Variants in GABBR2 observed in about 807,000 individuals in gnomAD.
The protein encoded by GABBR2 is gamma-aminobutyric acid type B receptor subunit 2.
A neutral mutation model predicts 105.6 loss-of-function variants in GABBR2; 23 were observed. The observed-to-expected ratio is 0.22, with a 90% CI of 0.16 to 0.31. The LOEUF (loss-of-function observed/expected upper bound fraction) is 0.31, where lower values mean the gene tolerates loss of function less well. GABBR2 is among the 10% of genes least tolerant of loss of function. GABBR2 has a pLI of 1.00. For synonymous variants in GABBR2, 478 were observed against 499.7 expected, an observed-to-expected ratio of 0.96 and a Z score of 0.58; for missense variants, 734 against 1,245.5, an observed-to-expected ratio of 0.59 and a Z score of 6.18.
chr9:98,514,853 T>C (rs561880975), intron 3 of GABBR2, among the ~76,000 whole-genome samples: 1 of 152,262 alleles, frequency 6.6e-6, no homozygotes, highest in East Asian at 1.9e-4. Context: ...CCTGCTCTTG[T>C]CTCTTGAAGA....
At chr9:98,377,103 C>A (rs1831888385) in intron 11 of GABBR2, among the ~76,000 whole-genome samples, 1 of 151,400 alleles carries the variant, frequency 6.6e-6, no homozygotes, top group South Asian at 2.1e-4. Flanking sequence ...GCTCAGGCCA[C>A]AGAACAATGC....
intron 1 of GABBR2, among the ~76,000 whole-genome samples, chr9:98,635,754 A>G (rs1369743602): frequency 6.6e-6 from 1 of 152,186 alleles, no homozygotes; most frequent in Non-Finnish European, 1.5e-5. Context: ...TGGCTGGAGT[A>G]TTTGCAAATC....
At chr9:98,467,575 A>T (rs1443360517) in intron 6 of GABBR2, among the ~76,000 whole-genome samples, 6 of 152,166 alleles carry the variant, frequency 3.9e-5, no homozygotes, top group Admixed American at 1.3e-4. Context: ...CTAAAACTCC[A>T]AGTTCTTTGT....
intron 3 of GABBR2, among the ~76,000 whole-genome samples, chr9:98,513,279 G>T (rs916539586): frequency 1.3e-5 from 2 of 152,126 alleles, no homozygotes; most frequent in Non-Finnish European, 2.9e-5. Flanking sequence ...AGACTTAAAT[G>T]TTAGACCTAA....
chr9:98,533,940 C>A (rs1828119696), intron 3 of GABBR2, among the ~76,000 whole-genome samples: 1 of 150,836 alleles, frequency 6.6e-6, no homozygotes, highest in African/African-American at 2.5e-5. Flanking sequence ...CTCAGAGCAG[C>A]AGGAGAGGAT....
At chr9:98,632,242 C>G (rs538211450) in intron 1 of GABBR2, among the ~76,000 whole-genome samples, 56 of 152,302 alleles carry the variant, frequency 3.7e-4, no homozygotes, top group African/African-American at 1.3e-3. Context: ...AGGCAAGCTC[C>G]TTAACCTCTC....
chr9:98,339,223 G>A (rs142573112), intron 13 of GABBR2, among the ~76,000 whole-genome samples: 1 of 151,022 alleles, frequency 6.6e-6, no homozygotes, highest in Admixed American at 6.6e-5. Context: ...TTTATGAATA[G>A]GCTAAAAACC....
At chr9:98,527,888 T>C (rs41361046) in intron 3 of GABBR2, among the ~76,000 whole-genome samples, 4,392 of 152,162 alleles carry the variant, frequency 0.029, 218 homozygotes, top group African/African-American at 0.1. Context: ...AGCCCTGAGG[T>C]ACCCATTCCA....
At chr9:98,447,182 C>T (rs1826147517) in intron 7 of GABBR2, among the ~76,000 whole-genome samples, 1 of 138,768 alleles carries the variant, frequency 7.2e-6, no homozygotes, top group South Asian at 2.7e-4. Context: ...CTGCCTCAGC[C>T]TCCCAAGTAG....
At position 98,454,069 on chromosome 9, in the gene GABBR2, T is replaced by G; in HGVS notation, c.1148A>C (p.Gln383Pro). Reference protein sequence around the residue: ...METLHASSRHQRIQDFNYTDH... With the variant: ...METLHASSRHPRIQDFNYTDH... ...CGTGTAGTTGAAGTCCTGGATCCGC[T>G]GGTGCCGGCTGCTGGCATGCAGTGT... is the stretch of plus-strand genomic sequence containing the variant. The change falls in exon 7 of 19, where the codon CAG becomes CCG. Residue 383 changes from glutamine (Q) to proline (P), a missense_variant. Gln to Pro is a moderately conservative substitution (Grantham distance 76). Around this residue, in one of 7 missense-constraint regions of GABBR2, gnomAD observed 370 missense variants for 648.9 expected, o/e 0.57. Coordinates refer to ENST00000259455, the MANE Select transcript of GABBR2 (RefSeq NM_005458.8). This position sits in a 1 kb window ranked among gnomAD's most constrained non-coding sequence, Gnocchi z 4.6. 6.2e-7 allele frequency: 1 copy of G among 1,614,220 alleles called. No individual in the cohort carries two copies. Among genetic ancestry groups the G allele is most frequent in the Non-Finnish European group, 8.5e-7 (1 of 1,180,032 alleles).
In GABBR2 at chr9:98,565,917, C is replaced by T. The variant is rs531826885; in HGVS notation, c.459+12018G>A. Among the ~76,000 whole-genome samples, 9 of 152,336 alleles carry T rather than the reference C, an allele frequency of 5.9e-5. No homozygotes were observed. The South Asian group carries it at 1.4e-3, about 25-fold the overall frequency. On this transcript the variant is annotated intron_variant, in intron 2 of 18. Coordinates refer to ENST00000259455, the MANE Select transcript of GABBR2 (RefSeq NM_005458.8). The stretch of plus-strand genomic sequence containing the variant: ...ACCACACACCTTACCAAACACAACA[C>T]TGGACGGGGCAGTCAGTGCCATGCC...
intron 13 of GABBR2, among the ~76,000 whole-genome samples, chr9:98,328,327 C>G (rs1669634292): frequency 6.6e-6 from 1 of 152,104 alleles, no homozygotes; most frequent in Admixed American, 6.5e-5. Flanking sequence ...AATACAGCCT[C>G]TATTTGGGAG....
intron 11 of GABBR2, among the ~76,000 whole-genome samples, chr9:98,372,306 A>G (rs1366851726): frequency 1.3e-5 from 2 of 151,954 alleles, no homozygotes; most frequent in Non-Finnish European, 2.9e-5. Flanking sequence ...CACCATTTAG[A>G]CTGGACACCC....
Position 98,290,430 on chromosome 9 carries a change from G to A in GABBR2, c.*154C>T, listed in dbSNP as rs371010168. ...CAGGTGCCAAGTCTCCCCCTGCCCC[G>A]TCCTGTCCACCTGAGTGCCATCCGA... On this transcript the variant is annotated 3_prime_UTR_variant, in exon 19 of 19. Transcript: ENST00000259455. 41 of 429,414 alleles carry A rather than the reference G, an allele frequency of 9.5e-5. No individual in the cohort carries two copies. The highest frequency in any genetic ancestry group is 1.3e-4 in the Non-Finnish European group (33 of 251,098). 26.6% of individuals were successfully genotyped at this position (429,414 alleles called of 1,614,324 possible). A position where few individuals can be genotyped will look rare whatever the true frequency, so the allele number is the denominator to read the frequency against.
rs930713638 is a variant in GABBR2, at chr9:98,660,853, C to T, written c.321+47564G>A. Among the ~76,000 whole-genome samples the T allele has an allele frequency of 8.5e-5, 13 of 152,298 alleles. No individual in the cohort carries two copies. In the South Asian group the frequency reaches 1.0e-3, roughly 12 times the overall value. ...CCTCCTGCCTCCTTCTTATAAGAAC[C>T]CTTGTGATTACCTGGGGCCTACCTG... On this transcript the variant is annotated intron_variant, in intron 1 of 18. Transcript: ENST00000259455.
intron 13 of GABBR2, among the ~76,000 whole-genome samples, chr9:98,347,346 T>C (rs894799028): frequency 6.6e-6 from 1 of 152,236 alleles, no homozygotes; most frequent in Non-Finnish European, 1.5e-5. Context: ...GTGAACACTT[T>C]TTCATGTATT....
chr9:98,393,555 C>T (rs1437554169), intron 9 of GABBR2, among the ~76,000 whole-genome samples: 1 of 152,248 alleles, frequency 6.6e-6, no homozygotes, highest in African/African-American at 2.4e-5. Context: ...ACCACCAAGT[C>T]TCCAACATGC....
chr9:98,606,850 C>A, intron 1 of GABBR2: 1 of 484,080 alleles, frequency 2.1e-6, no homozygotes. Flanking sequence ...GCCACTGCTG[C>A]TGAGGAGAGA....
intron 1 of GABBR2, among the ~76,000 whole-genome samples, chr9:98,592,126 C>T (rs1361196893): frequency 6.6e-6 from 1 of 152,186 alleles, no homozygotes; most frequent in Non-Finnish European, 1.5e-5. Context: ...AGAGGCTCAG[C>T]CAGCAATTAA....
Sources: gnomAD v4.1 joint callset for allele counts (sites outside exome capture counted in the v4.1 genomes callset) on GRCh38, gnomAD v4.1.1 for gene constraint, gnomAD v4.1.1 regional missense constraint, Gnocchi (gnomAD v3.1) non-coding constraint, MANE v1.5 for transcripts, NCBI Gene and HGNC (gene_info 2026-07-23, HGNC 2026-07-21) for gene names.